KAZN: variants seen among roughly 807,000 people sequenced by gnomAD.
KAZN encodes the protein kazrin, periplakin interacting protein, also known as kazrin.
Under a neutral mutation model 87.4 loss-of-function variants are expected in KAZN, and 40 were observed. The ratio of observed to expected loss-of-function variants is 0.46; its 90% CI spans 0.36 to 0.60. The LOEUF is 0.60. KAZN is among the 20% of genes least tolerant of loss of function. The probability of loss-of-function intolerance (pLI) is 0.00; values close to 1 mark genes in which losing one functional copy is unlikely to be tolerated. For synonymous variants in KAZN, 466 were observed against 458.3 expected (o/e 1.02, Z -0.22); for missense variants, 898 against 1,073.9 (o/e 0.84, Z 2.29).
At chr1:14,845,202 A>AGTGG (rs1648575015) in intron 1 of KAZN, among the ~76,000 whole-genome samples, 1 of 103,632 alleles carries the variant, frequency 9.6e-6, no homozygotes, top group Admixed American at 9.0e-5. Context: ...TGGATGGGTG[A>AGTGG]GTGAGTGGAT....
chr1:14,549,240 C>T (rs1673353829), intron 2 of KAZN, among the ~76,000 whole-genome samples: 1 of 152,172 alleles, frequency 6.6e-6, no homozygotes, highest in African/African-American at 2.4e-5. Flanking sequence ...GCTGCCTAGC[C>T]ATTATCGATG....
chr1:14,265,201 A>G (rs1235675758), intron 2 of KAZN, among the ~76,000 whole-genome samples: 6 of 152,222 alleles, frequency 3.9e-5, no homozygotes. Context: ...CACAAAGTAA[A>G]GAAGAAGGTC....
intron 1 of KAZN, among the ~76,000 whole-genome samples, chr1:14,611,254 G>A (rs780652792): frequency 3.3e-5 from 5 of 152,182 alleles, no homozygotes; most frequent in Non-Finnish European, 7.3e-5. Context: ...TTCAATTCCA[G>A]AGCAACAAGG....
At chr1:14,632,918 TTA>T (rs977224846) in intron 1 of KAZN, among the ~76,000 whole-genome samples, 2 of 52,924 alleles carry the variant, frequency 3.8e-5, no homozygotes, top group African/African-American at 8.6e-5. Flanking sequence ...AAAATGCACT[TTA>T]TTTATTTTTT....
chr1:14,322,979 C>G (rs1656150937), intron 2 of KAZN, among the ~76,000 whole-genome samples: 1 of 152,122 alleles, frequency 6.6e-6, no homozygotes, highest in South Asian at 2.1e-4. Flanking sequence ...AGCAAGGCAC[C>G]TTCTTCACAA....
intron 2 of KAZN, among the ~76,000 whole-genome samples, chr1:14,272,150 T>A (rs1651989269): frequency 6.6e-6 from 1 of 152,188 alleles, no homozygotes; most frequent in South Asian, 2.1e-4. Flanking sequence ...TGTAACAAAT[T>A]ACCCCCAAAC....
chr1:14,324,594 A>ATTACCAGGTGAACAG, intron 2 of KAZN, among the ~76,000 whole-genome samples: 1 of 152,144 alleles, frequency 6.6e-6, no homozygotes, highest in East Asian at 1.9e-4. Flanking sequence ...TTCAATCAAA[A>ATTACCAGGTGAACAG]TAAGACATAA....
intron 2 of KAZN, among the ~76,000 whole-genome samples, chr1:14,192,357 A>G (rs1404977178): frequency 6.6e-6 from 1 of 152,168 alleles, no homozygotes; most frequent in Non-Finnish European, 1.5e-5. Flanking sequence ...TAGCCACAGG[A>G]CAGGGTGGGA....
chr1:14,471,226 T>G (rs1323552637), intron 2 of KAZN, among the ~76,000 whole-genome samples: 1 of 152,216 alleles, frequency 6.6e-6, no homozygotes, highest in East Asian at 1.9e-4. Context: ...CAGCAATAGC[T>G]AATGAATACG....
At chr1:14,899,106 T>A (rs2101235773) in intron 1 of KAZN, among the ~76,000 whole-genome samples, 1 of 152,152 alleles carries the variant, frequency 6.6e-6, no homozygotes, top group Middle Eastern at 3.4e-3. Context: ...CACCTGTGAG[T>A]CATAAGAAGG....
chr1:13,912,708 A>T (rs1639698031), intron 1 of KAZN, among the ~76,000 whole-genome samples: 1 of 152,078 alleles, frequency 6.6e-6, no homozygotes, highest in South Asian at 2.1e-4. Flanking sequence ...GGTTCAAGCG[A>T]TTCTCCCACC....
intron 2 of KAZN, among the ~76,000 whole-genome samples, chr1:14,524,504 C>T (rs1184133965): frequency 2.6e-5 from 4 of 152,184 alleles, no homozygotes; most frequent in Admixed American, 6.5e-5. Context: ...TATCACCAGG[C>T]TCTCTTTGAC....
At chr1:14,326,796 G>T (rs116199987) in intron 2 of KAZN, among the ~76,000 whole-genome samples, 2,986 of 152,058 alleles carry the variant, frequency 0.02, 37 homozygotes, top group Non-Finnish European at 0.03. Flanking sequence ...TCCCTTCTTC[G>T]CTTCTTTTAG....
chr1:14,907,671 G>A (rs1468852749), intron 1 of KAZN, among the ~76,000 whole-genome samples: 2 of 152,158 alleles, frequency 1.3e-5, no homozygotes, highest in African/African-American at 2.4e-5. Context: ...AGCTGGGTTA[G>A]AAGGAAAAGA....
intron 2 of KAZN, among the ~76,000 whole-genome samples, chr1:14,307,558 C>G (rs1339362): frequency 6.6e-6 from 1 of 152,246 alleles, no homozygotes; most frequent in South Asian, 2.1e-4. Context: ...TCCTCCAAGA[C>G]CATTATCTAT....
intron 2 of KAZN, among the ~76,000 whole-genome samples, chr1:14,294,198 C>A (rs1484038450): frequency 6.6e-6 from 1 of 152,150 alleles, no homozygotes; most frequent in African/African-American, 2.4e-5. Context: ...AAGCATCATG[C>A]AAATTTGCCT....
chr1:14,414,613 CGT>C (rs35972093), intron 2 of KAZN, among the ~76,000 whole-genome samples: 10,657 of 150,742 alleles, frequency 0.071, 578 homozygotes, highest in South Asian at 0.11. Flanking sequence ...ATGCACATAC[CGT>C]GTGTGTGTGT....
At chr1:14,662,996 G>GA in intron 1 of KAZN, among the ~76,000 whole-genome samples, 1 of 146,470 alleles carries the variant, frequency 6.8e-6, no homozygotes, top group Middle Eastern at 3.6e-3. Flanking sequence ...AGAGAGGGGG[G>GA]ATCTCACTGT....
chr1:14,900,126 C>T (rs969862599), intron 1 of KAZN, among the ~76,000 whole-genome samples: 2 of 152,178 alleles, frequency 1.3e-5, no homozygotes, highest in Admixed American at 6.5e-5. Flanking sequence ...CTGCTCACCC[C>T]GATGGCTATG....
Sources: allele counts gnomAD v4.1 joint callset (sites outside exome capture counted in the v4.1 genomes callset), GRCh38; gene constraint gnomAD v4.1.1; transcripts MANE v1.5; gene names NCBI Gene and HGNC (gene_info 2026-07-23, HGNC 2026-07-21).